Variants in SUGCT observed in about 807,000 individuals in gnomAD.
The protein encoded by SUGCT is succinyl-CoA:glutarate CoA-transferase.
SUGCT carries 41 observed loss-of-function variants against 55.0 expected under a neutral mutation model. The observed-to-expected ratio is 0.74, with a 90% CI of 0.58 to 0.97. SUGCT has a LOEUF of 0.97. Among genes scored for constraint, SUGCT ranks in the 50% least tolerant of loss-of-function variants. The probability of loss-of-function intolerance (pLI) is 0.00; values close to 1 mark genes in which losing one functional copy is unlikely to be tolerated. For synonymous variants in SUGCT, 187 were observed against 200.4 expected (o/e 0.93, Z 0.56); for missense variants, 568 against 547.8 (o/e 1.04, Z -0.37).
At chr7:40,541,727 G>A (rs1013850161) in intron 12 of SUGCT, among the ~76,000 whole-genome samples, 1 of 152,132 alleles carries the variant, frequency 6.6e-6, no homozygotes, top group African/African-American at 2.4e-5. Context: ...ATTGGATTGG[G>A]ATTACAAAGG....
chr7:40,976,698 G>A, the SUGCT span, among the ~76,000 whole-genome samples: 1 of 152,104 alleles, frequency 6.6e-6, no homozygotes, highest in Admixed American at 6.5e-5. Flanking sequence ...ATGTCTTCTG[G>A]AATCAGGAGC....
the SUGCT span, among the ~76,000 whole-genome samples, chr7:41,008,605 C>T: frequency 6.6e-6 from 1 of 151,958 alleles, no homozygotes; most frequent in Non-Finnish European, 1.5e-5. Flanking sequence ...TATCGCACCT[C>T]AAGGCTCCAC....
At chr7:40,520,259 G>A (rs566579937) in intron 12 of SUGCT, among the ~76,000 whole-genome samples, 1 of 152,056 alleles carries the variant, frequency 6.6e-6, no homozygotes, top group Non-Finnish European at 1.5e-5. Flanking sequence ...TCAACAAATA[G>A]CATTGAATAT....
rs144349471 is a variant in SUGCT at position 40,702,092 on chromosome 7, C to T, written c.1090-47342C>T. Among the ~76,000 whole-genome samples the T allele has an allele frequency of 3.0e-3, 455 of 152,332 alleles. 1 individual carries two copies. The highest frequency in any genetic ancestry group is 0.02 in the Middle Eastern group (6 of 294). On this transcript the variant is annotated intron_variant, in intron 12 of 13. Coordinates refer to ENST00000335693, the MANE Select transcript of SUGCT (RefSeq NM_001193313.2). ...TTTCTGTAAGCCCCGCCAAAGATTA[C>T]CTTCCTAAAATAACCCTCAAAGCCA...
chr7:41,013,752 TTTC>T, the SUGCT span, among the ~76,000 whole-genome samples: 10 of 149,028 alleles, frequency 6.7e-5, no homozygotes, highest in African/African-American at 2.3e-4. Context: ...TCTTTCTTTC[TTTC>T]TTTTTTTTTT....
At chr7:40,748,953 C>G (rs995273437) in intron 12 of SUGCT, among the ~76,000 whole-genome samples, 1 of 152,200 alleles carries the variant, frequency 6.6e-6, no homozygotes, top group East Asian at 1.9e-4. Context: ...TCTGGATACT[C>G]TGATTTATTC....
intron 5 of SUGCT, among the ~76,000 whole-genome samples, chr7:40,193,260 T>A (rs1161298151): frequency 6.7e-6 from 1 of 149,874 alleles, no homozygotes; most frequent in Non-Finnish European, 1.5e-5. Flanking sequence ...TGTGAGCTAT[T>A]TGGCCTGGCC....
chr7:40,259,934 A>G (rs1219210295), intron 7 of SUGCT, among the ~76,000 whole-genome samples: 3 of 152,226 alleles, frequency 2.0e-5, no homozygotes, highest in South Asian at 2.1e-4. Context: ...TCTCTTCACT[A>G]TGTCAGTTCT....
chr7:40,456,313 C>A (rs895345468), intron 10 of SUGCT, among the ~76,000 whole-genome samples: 3 of 152,158 alleles, frequency 2.0e-5, no homozygotes, highest in Non-Finnish European at 4.4e-5. Context: ...AGGCATGAGC[C>A]ACCGCCCCTG....
Position 40,502,436 on chromosome 7 carries a change from C to T in SUGCT, c.1089+6050C>T, listed in dbSNP as rs185583422. 4.8e-3 allele frequency among the ~76,000 whole-genome samples: 722 copies of T among 151,950 alleles called. 8 individuals are homozygous for T. The highest frequency in any genetic ancestry group is 0.017 in the African/African-American group (693 of 41,510). On this transcript the variant is annotated intron_variant, in intron 12 of 13. Coordinates refer to ENST00000335693, the MANE Select transcript of SUGCT (RefSeq NM_001193313.2). ...AGTGCTTTACAATAAAAATCTAATG[C>T]AAGCCATATTTATGATTTAAATTGT...
chr7:40,559,565 G>A (rs1179493445), intron 12 of SUGCT, among the ~76,000 whole-genome samples: 1 of 152,194 alleles, frequency 6.6e-6, no homozygotes, highest in Admixed American at 6.5e-5. Flanking sequence ...GTGAGAATGT[G>A]TATTTGTTTA....
intron 9 of SUGCT, among the ~76,000 whole-genome samples, chr7:40,405,232 A>G (rs914233389): frequency 6.6e-6 from 1 of 152,180 alleles, no homozygotes; most frequent in Non-Finnish European, 1.5e-5. Flanking sequence ...AGACCCAATC[A>G]CATGTATACA....
the SUGCT span, among the ~76,000 whole-genome samples, chr7:40,961,454 C>T: frequency 6.6e-6 from 1 of 152,170 alleles, no homozygotes; most frequent in African/African-American, 2.4e-5. Flanking sequence ...CAATCACCTC[C>T]TTCCTCAGCC....
chr7:40,290,853 A>G lies in SUGCT; in HGVS notation c.720+16197A>G, dbSNP rs535661766. On this transcript the variant is annotated intron_variant, in intron 8 of 13. Transcript: ENST00000335693. Reference sequence around the variant, plus strand: ...ATCAAAAAGTGGGTGAAGGATATGAACAGACACTTCTCAAAAGAAGACATT... The same window carrying G: ...ATCAAAAAGTGGGTGAAGGATATGAGCAGACACTTCTCAAAAGAAGACATT... 2.9e-4 allele frequency among the ~76,000 whole-genome samples: 44 copies of G among 152,348 alleles called. No homozygotes were observed. The East Asian group carries it at 8.1e-3, about 28-fold the overall frequency.
intron 11 of SUGCT, among the ~76,000 whole-genome samples, chr7:40,478,646 T>G (rs958224773): frequency 1.3e-5 from 2 of 152,204 alleles, no homozygotes; most frequent in Admixed American, 6.6e-5. Flanking sequence ...TACACATTTT[T>G]CACTGCAGCA....
intron 13 of SUGCT, among the ~76,000 whole-genome samples, chr7:40,825,316 A>T (rs1792259214): frequency 6.6e-6 from 1 of 152,134 alleles, no homozygotes; most frequent in South Asian, 2.1e-4. Flanking sequence ...ATCAAGCTAA[A>T]ATTGACAGTG....
At chr7:40,587,998 G>A (rs1214513379) in intron 12 of SUGCT, among the ~76,000 whole-genome samples, 1 of 151,150 alleles carries the variant, frequency 6.6e-6, no homozygotes, top group Non-Finnish European at 1.5e-5. Context: ...CGCCTCCCAG[G>A]CTCAGGCGAT....
intron 6 of SUGCT, among the ~76,000 whole-genome samples, chr7:40,198,216 C>T (rs1786397187): frequency 6.6e-6 from 1 of 152,110 alleles, no homozygotes; most frequent in South Asian, 2.1e-4. Context: ...TCCTTTATTT[C>T]CTGATAATGA....
chr7:40,549,726 G>A (rs909887744), intron 12 of SUGCT, among the ~76,000 whole-genome samples: 4 of 152,208 alleles, frequency 2.6e-5, no homozygotes, highest in African/African-American at 9.6e-5. Flanking sequence ...GGTTATAAGT[G>A]TGGAAATAGC....
Sources: gnomAD v4.1 joint callset for allele counts (sites outside exome capture counted in the v4.1 genomes callset) on GRCh38, gnomAD v4.1.1 for gene constraint, MANE v1.5 for transcripts, NCBI Gene and HGNC (gene_info 2026-07-23, HGNC 2026-07-21) for gene names.